The following AMZ1 variants were observed in gnomAD, a reference collection of about 807,000 sequenced individuals.
AMZ1 encodes the protein archaemetzincin-1.
AMZ1 carries 39 observed loss-of-function variants against 29.9 expected under a neutral mutation model. That is an observed-to-expected ratio of 1.30 (90% CI 1.01 to 1.70). The LOEUF is 1.70. Among genes scored for constraint, AMZ1 ranks in the 40% most tolerant of loss-of-function variants. AMZ1 has a pLI of 0.00. For synonymous variants in AMZ1, 458 were observed against 304.0 expected (o/e 1.51, Z -5.27); for missense variants, 1,041 against 680.6 (o/e 1.53, Z -5.89).
chr7:2,701,162 C>T (rs898178781), intron 2 of AMZ1, among the ~76,000 whole-genome samples: 3 of 151,980 alleles, frequency 2.0e-5, no homozygotes, highest in African/African-American at 2.4e-5. Flanking sequence ...ACCTGGGAGA[C>T]AGAGGTTGCA....
intron 1 of AMZ1, among the ~76,000 whole-genome samples, chr7:2,683,017 C>T (rs112113705): frequency 0.02 from 2,989 of 152,336 alleles, 90 homozygotes; most frequent in African/African-American, 0.069. Context: ...CAGGGCTGAG[C>T]TGCAGAGAGG....
Position 2,712,601 on chromosome 7 carries a change from A to G in AMZ1, c.1220A>G (p.His407Arg). 6.2e-7 allele frequency: 1 copy of G among 1,612,772 alleles called. No homozygotes were observed. Among genetic ancestry groups the G allele is most frequent in the Non-Finnish European group, 8.5e-7 (1 of 1,179,792 alleles). Residue 407 changes from histidine to arginine, a missense_variant, in exon 7 of 7, where the codon CAT becomes CGT. By Grantham distance (29) the His-to-Arg change is conservative. Coordinates refer to ENST00000683327, the MANE Select transcript of AMZ1 (RefSeq NM_001384743.1). Reference sequence around the variant, plus strand: ...GGCCCTGCGGAGGCCATCAAGGAGCATGAACGGTGGCTGGCCATGTGCATC... The same window carrying G: ...GGCCCTGCGGAGGCCATCAAGGAGCGTGAACGGTGGCTGGCCATGTGCATC... Reference protein sequence around the residue: ...PGGPAEAIKEHERWLAMCIQA... With the variant: ...PGGPAEAIKERERWLAMCIQA...
chr7:2,711,808 C>T (rs140357239), intron 6 of AMZ1, among the ~76,000 whole-genome samples: 14,510 of 152,170 alleles, frequency 0.095, 857 homozygotes, highest in Middle Eastern at 0.21. Context: ...CTTTGGGAGG[C>T]GGAGGTGGGT....
chr7:2,760,718 C>G (rs1312922541), upstream of AMZ1, among the ~76,000 whole-genome samples: 1 of 152,246 alleles, frequency 6.6e-6, no homozygotes, highest in Non-Finnish European at 1.5e-5. Context: ...GGCAGCTTAT[C>G]CAGAGCTAAG....
intron 2 of AMZ1, 199 bp from the exon 3 acceptor site, chr7:2,702,521 CCT>C: frequency 2.0e-5 from 12 of 604,302 alleles, no homozygotes; most frequent in South Asian, 1.3e-4. Flanking sequence ...ATGAATCTTT[CCT>C]CTGTGTCCCT....
At chr7:2,737,290 T>G (rs1028045799) in intron 4 of AMZ1, among the ~76,000 whole-genome samples, 7 of 44,330 alleles carry the variant, frequency 1.6e-4, no homozygotes, top group African/African-American at 5.1e-4. Context: ...TTTTTTTTTG[T>G]TTTTTTTTTT....
Position 2,708,718 on chromosome 7 carries a change from T to G in AMZ1, c.601+2T>G, listed in dbSNP as rs747627816. ...TCAGCAAGTTCCTTCCAGGGCACGG[T>G]GAGCCGGGGCCCCAGCAGCTGTGCG... On this transcript the variant is annotated splice_donor_variant, in intron 4 of 6. Transcript: ENST00000683327. LOFTEE classifies it high-confidence loss of function. The G allele has an allele frequency of 1.9e-6, 3 of 1,612,420 alleles. No homozygotes were observed. Among genetic ancestry groups the G allele is most frequent in the Non-Finnish European group, 2.5e-6 (3 of 1,179,972 alleles).
At position 2,712,585 on chromosome 7, in the gene AMZ1, G is replaced by A. The variant is rs1193793462; in HGVS notation, c.1204G>A (p.Glu402Lys). 6.2e-7 allele frequency: 1 copy of A among 1,612,148 alleles called. No homozygotes were observed. Among genetic ancestry groups the A allele is most frequent in the Non-Finnish European group, 8.5e-7 (1 of 1,179,596 alleles). The part of the protein sequence containing the change: ...EAPLPPGGPA[E>K]AIKEHERWLA... ...TCCGCTGCCACCTGGGGGCCCTGCG[G>A]AGGCCATCAAGGAGCATGAACGGTG... Residue 402 changes from glutamate to lysine, a missense_variant, in exon 7 of 7, where the codon GAG becomes AAG. Glu to Lys is a moderately conservative substitution (Grantham distance 56). Transcript: ENST00000683327.
intron 1 of AMZ1, among the ~76,000 whole-genome samples, chr7:2,693,150 G>T (rs1019275457): frequency 2.0e-5 from 3 of 152,254 alleles, no homozygotes; most frequent in Admixed American, 2.0e-4. Context: ...TGCCCAGGCC[G>T]GAGTGCAGTG....
At position 2,718,029 on chromosome 7, in the gene AMZ1, G is replaced by A. The variant is rs1264748424; in HGVS notation, c.*5151G>A. Among the ~76,000 whole-genome samples, 2 of 152,182 alleles carry A rather than the reference G, an allele frequency of 1.3e-5. No individual in the cohort carries two copies. Among genetic ancestry groups the A allele is most frequent in the Non-Finnish European group, 1.5e-5 (1 of 68,042 alleles). On this transcript the variant is annotated 3_prime_UTR_variant, in exon 7 of 7. Transcript: ENST00000683327. The stretch of plus-strand genomic sequence containing the variant: ...CTCCACAATGGCCCTCAGAGGGTCC[G>A]CGGCAGCCAGGCCCGTCCAACCTCC...
Position 2,731,696 on chromosome 7 carries a change from T to C in AMZ1, n.550+21880T>C. 6.3e-7 allele frequency: 1 copy of C among 1,596,384 alleles called. No homozygotes were observed. Among genetic ancestry groups the C allele is most frequent in the Non-Finnish European group, 8.6e-7 (1 of 1,169,040 alleles). ...TTAATAACGAAGTCATGCTCCACAA[T>C]TCCCTTGGTGGCTTTCCTAGCCAGC... is the stretch of plus-strand genomic sequence containing the variant. On this transcript the variant is annotated intron_variant and non_coding_transcript_variant, in intron 4 of 4. Transcript: ENST00000489665. The surrounding 1 kb of genome is among the most constrained non-coding windows in gnomAD (Gnocchi z 6.0).
At chr7:2,742,488 T>A (rs1583221295) in intron 4 of AMZ1, among the ~76,000 whole-genome samples, 2 of 152,348 alleles carry the variant, frequency 1.3e-5, no homozygotes, top group East Asian at 3.9e-4. Context: ...CCTGTTTATC[T>A]CATCGCTGTC....
At chr7:2,751,569 A>G (rs1791042392) in intron 4 of AMZ1, among the ~76,000 whole-genome samples, 1 of 152,190 alleles carries the variant, frequency 6.6e-6, no homozygotes, top group Non-Finnish European at 1.5e-5. Context: ...TGCAATAGAA[A>G]CAATTAACAA....
chr7:2,717,136 TGAG>T lies in AMZ1; in HGVS notation c.*4262_*4264del, dbSNP rs1434453850. 3.3e-5 allele frequency among the ~76,000 whole-genome samples: 5 copies of T among 152,286 alleles called. No individual in the cohort carries two copies. Among genetic ancestry groups the T allele is most frequent in the African/African-American group, 9.6e-5 (4 of 41,566 alleles). On this transcript the variant is annotated 3_prime_UTR_variant, in exon 7 of 7. Transcript: ENST00000683327. ...TGGCCCGTGCAGCTCCTTCGGACTC[TGAG>T]GAGAGGCCTGGGTGGGTGGCCGGCA...
At chr7:2,737,274 G>GTTTTGT (rs1790242698) in intron 4 of AMZ1, among the ~76,000 whole-genome samples, 17 of 35,044 alleles carry the variant, frequency 4.9e-4, no homozygotes, top group African/African-American at 1.4e-3. Context: ...GTTTTGTTTT[G>GTTTTGT]TTTTTTTTTT....
intron 1 of AMZ1, among the ~76,000 whole-genome samples, chr7:2,700,017 G>GACAGCAGCAGGGGCTCCCAGGAGT: frequency 6.6e-6 from 1 of 152,042 alleles, no homozygotes; most frequent in African/African-American, 2.4e-5. Flanking sequence ...GTGGCCCATG[G>GACAGCAGCAGGGGCTCCCAGGAGT]GACCCAACCT....
chr7:2,712,904 C>A lies in AMZ1; in HGVS notation c.*26C>A. On this transcript the variant is annotated 3_prime_UTR_variant, in exon 7 of 7. Coordinates refer to ENST00000683327, the MANE Select transcript of AMZ1 (RefSeq NM_001384743.1). Reference sequence around the variant, plus strand: ...TACAGCAGGGGCTGCCCTACGTCTCCTTCCCTAAGGATGCTGGCCAGCACT... The same window carrying A: ...TACAGCAGGGGCTGCCCTACGTCTCATTCCCTAAGGATGCTGGCCAGCACT... 1 of 1,507,796 alleles carries A rather than the reference C, an allele frequency of 6.6e-7. No individual in the cohort carries two copies. Among genetic ancestry groups the A allele is most frequent in the South Asian group, 1.3e-5 (1 of 74,312 alleles). The allele number at this position is 1,507,796 out of a possible 1,614,324, so 93.4% of individuals were successfully genotyped here.
chr7:2,702,896 G>A lies in AMZ1; in HGVS notation c.472+7G>A, dbSNP rs372201650. 4 of 1,576,770 alleles carry A rather than the reference G, an allele frequency of 2.5e-6. No homozygotes were observed. The highest frequency in any genetic ancestry group is 1.3e-5 in the African/African-American group (1 of 74,284). On this transcript the variant is annotated splice_region_variant and intron_variant, in intron 3 of 6. Transcript: ENST00000683327. ...AGGCTCCAGCTCCACACAGGTGAGT[G>A]AGGACGGCAGCCGCCGCTCAGGCCA...
chr7:2,690,878 C>T (rs993499160), intron 1 of AMZ1, among the ~76,000 whole-genome samples: 2 of 152,108 alleles, frequency 1.3e-5, no homozygotes, highest in African/African-American at 4.8e-5. Flanking sequence ...TGGTGGCTCA[C>T]CTCTGAAATC....
Sources: allele counts gnomAD v4.1 joint callset (sites outside exome capture counted in the v4.1 genomes callset), GRCh38; gene constraint gnomAD v4.1.1; non-coding constraint Gnocchi (gnomAD v3.1); transcripts MANE v1.5; gene names NCBI Gene and HGNC (gene_info 2026-07-23, HGNC 2026-07-21).